The following WWTR1 variants were observed in gnomAD, a reference collection of about 807,000 sequenced individuals.
WWTR1 encodes WW domain-containing transcription regulator protein 1.
In WWTR1, 13 loss-of-function variants were observed where a neutral mutation model predicts 40.1. The observed-to-expected ratio is 0.32, with a 90% CI of 0.21 to 0.52. The LOEUF (loss-of-function observed/expected upper bound fraction) is 0.52, where lower values mean the gene tolerates loss of function less well. WWTR1 is among the 20% of genes least tolerant of loss of function. The probability of loss-of-function intolerance (pLI) is 0.97; values close to 1 mark genes in which losing one functional copy is unlikely to be tolerated. For synonymous variants in WWTR1, 230 were observed against 210.1 expected (o/e 1.09, Z -0.82); for missense variants, 436 against 523.1 (o/e 0.83, Z 1.63).
chr3:149,572,727 A>T, intron 3 of WWTR1, 137 bp downstream of exon 3: 1 of 1,045,836 alleles, frequency 9.6e-7, no homozygotes, highest in South Asian at 1.7e-5. Flanking sequence ...CATGCCTGTT[A>T]TCGCAGCACT....
chr3:149,622,199 T>C (rs1740311252), intron 2 of WWTR1, among the ~76,000 whole-genome samples: 1 of 152,150 alleles, frequency 6.6e-6, no homozygotes, highest in Non-Finnish European at 1.5e-5. Flanking sequence ...CAATGACATT[T>C]CAGGTATAAC....
intron 3 of WWTR1, among the ~76,000 whole-genome samples, chr3:149,545,398 T>G (rs947793254): frequency 3.3e-5 from 5 of 152,210 alleles, no homozygotes; most frequent in African/African-American, 1.2e-4. Flanking sequence ...AGTAGTTATA[T>G]TTAATATGGT....
chr3:149,543,862 G>A (rs1344554316), intron 3 of WWTR1, among the ~76,000 whole-genome samples: 1 of 150,004 alleles, frequency 6.7e-6, no homozygotes, highest in Non-Finnish European at 1.5e-5. Flanking sequence ...CTCAATTTTT[G>A]CTATATTTGG....
chr3:149,580,901 C>G, intron 2 of WWTR1, among the ~76,000 whole-genome samples: 1 of 152,186 alleles, frequency 6.6e-6, no homozygotes, highest in Admixed American at 6.5e-5. Flanking sequence ...CGTGAGCCAC[C>G]GCGCCTGGCG....
intron 1 of WWTR1, among the ~76,000 whole-genome samples, chr3:149,700,219 C>T (rs1715127900): frequency 6.6e-6 from 1 of 152,118 alleles, no homozygotes. Flanking sequence ...GTAATCCCAG[C>T]ACTTTGGGAG....
At chr3:149,526,421 A>C (rs1008445345) in intron 5 of WWTR1, among the ~76,000 whole-genome samples, 1 of 152,096 alleles carries the variant, frequency 6.6e-6, no homozygotes, top group Non-Finnish European at 1.5e-5. Flanking sequence ...TAAAAAAAAA[A>C]AACAAAAACT....
intron 3 of WWTR1, among the ~76,000 whole-genome samples, chr3:149,555,694 G>A (rs1185631800): frequency 4.6e-5 from 7 of 151,656 alleles, no homozygotes. Context: ...GTGGTGTTTC[G>A]CTTATAGAAC....
chr3:149,637,442 G>A (rs1711894552), intron 2 of WWTR1, among the ~76,000 whole-genome samples: 1 of 151,940 alleles, frequency 6.6e-6, no homozygotes. Context: ...TGTTGGCCAG[G>A]CTGGTCTTGA....
chr3:149,522,459 A>G (rs1361283905), intron 6 of WWTR1, among the ~76,000 whole-genome samples: 3 of 152,216 alleles, frequency 2.0e-5, no homozygotes, highest in Non-Finnish European at 4.4e-5. Context: ...AGTAAACTGA[A>G]AAATTAAATC....
intron 2 of WWTR1, among the ~76,000 whole-genome samples, chr3:149,605,965 C>T (rs1344043098): frequency 1.3e-5 from 2 of 152,322 alleles, no homozygotes; most frequent in East Asian, 1.9e-4. Context: ...AACCTCCCAA[C>T]ATGGGGCCTT....
Position 149,519,513 on chromosome 3 carries a change from T to A in WWTR1, c.*1292A>T, listed in dbSNP as rs1291146340. 6.6e-6 allele frequency: 1 copy of A among 152,244 alleles called. No individual in the cohort carries two copies. Among genetic ancestry groups the A allele is most frequent in the East Asian group, 1.9e-4 (1 of 5,200 alleles). 9.4% of individuals were successfully genotyped at this position (152,244 alleles called of 1,614,324 possible). ...AAGCAACAGCTCACTGTGTGTGGTGTGCTATCAGGTTGAAATCTATGTTGT... is the reference window on the plus strand; with the variant it reads ...AAGCAACAGCTCACTGTGTGTGGTGAGCTATCAGGTTGAAATCTATGTTGT... On this transcript the variant is annotated 3_prime_UTR_variant, in exon 7 of 7. Coordinates refer to ENST00000360632, the MANE Select transcript of WWTR1 (RefSeq NM_015472.6).
At chr3:149,690,387 T>TAAAG (rs914925021) in intron 1 of WWTR1, among the ~76,000 whole-genome samples, 3 of 151,202 alleles carry the variant, frequency 2.0e-5, no homozygotes, top group Non-Finnish European at 4.4e-5. Context: ...ACTTTACCTA[T>TAAAG]AAAGACACAC....
intron 2 of WWTR1, among the ~76,000 whole-genome samples, chr3:149,575,563 G>T (rs1737841114): frequency 1.3e-5 from 2 of 152,146 alleles, no homozygotes; most frequent in South Asian, 4.1e-4. Flanking sequence ...ACAGGCCCCG[G>T]TGAGATGTGG....
At chr3:149,721,870 T>G (rs560608307) in intron 4 of WWTR1, among the ~76,000 whole-genome samples, 9 of 152,172 alleles carry the variant, frequency 5.9e-5, no homozygotes, top group Non-Finnish European at 8.8e-5. Flanking sequence ...GGATTTTATT[T>G]CATGGGATAT....
intron 1 of WWTR1, among the ~76,000 whole-genome samples, chr3:149,690,630 G>C (rs1005075526): frequency 2.6e-4 from 39 of 152,084 alleles, no homozygotes; most frequent in African/African-American, 9.2e-4. Context: ...AATATTATTA[G>C]AGCTAAAGAT....
chr3:149,688,188 C>G (rs1714711129), intron 1 of WWTR1, among the ~76,000 whole-genome samples: 1 of 152,118 alleles, frequency 6.6e-6, no homozygotes, highest in Admixed American at 6.5e-5. Flanking sequence ...TAGACCCACC[C>G]TGGGCCAGAA....
intron 2 of WWTR1, among the ~76,000 whole-genome samples, chr3:149,632,958 C>G (rs1263950486): frequency 2.0e-5 from 3 of 152,288 alleles, no homozygotes; most frequent in Non-Finnish European, 4.4e-5. Context: ...TGGGGCTTCT[C>G]TTTTTGGTGA....
At chr3:149,709,376 G>A (rs1408660257) in intron 5 of WWTR1, among the ~76,000 whole-genome samples, 1 of 151,560 alleles carries the variant, frequency 6.6e-6, no homozygotes, top group East Asian at 1.9e-4. Flanking sequence ...AGTAATTTTG[G>A]GTATCTTTTT....
chr3:149,686,937 T>C (rs1363102520), intron 1 of WWTR1, among the ~76,000 whole-genome samples: 1 of 152,186 alleles, frequency 6.6e-6, no homozygotes, highest in East Asian at 1.9e-4. Flanking sequence ...TGCCTTTCTT[T>C]GCTTTACCTA....
Sources: gnomAD v4.1 joint callset for allele counts (sites outside exome capture counted in the v4.1 genomes callset) on GRCh38, gnomAD v4.1.1 for gene constraint, MANE v1.5 for transcripts, NCBI Gene and HGNC (gene_info 2026-07-23, HGNC 2026-07-21) for gene names.